DTNB: variants seen among roughly 807,000 people sequenced by gnomAD.
The protein encoded by DTNB is dystrobrevin beta, also known as DTN-B.
In DTNB, 63 loss-of-function variants were observed where a neutral mutation model predicts 90.7. That is an observed-to-expected ratio of 0.69 (90% confidence interval 0.57 to 0.86). The LOEUF (loss-of-function observed/expected upper bound fraction) is 0.86. DTNB is among the 40% of genes least tolerant of loss of function. The pLI is 0.00. For missense variants in DTNB, 744 were observed against 807.1 expected (o/e 0.92, Z 0.95); for synonymous variants, 277 against 286.7 (o/e 0.97, Z 0.34).
chr2:25,503,931 A>G (rs574286925), intron 9 of DTNB, among the ~76,000 whole-genome samples: 57 of 151,960 alleles, frequency 3.8e-4, no homozygotes, highest in African/African-American at 1.3e-3. Context: ...AAAAGAAAAA[A>G]AAAAACAGTT....
intron 8 of DTNB, among the ~76,000 whole-genome samples, chr2:25,573,159 C>CTGG (rs1329903711): frequency 6.6e-6 from 1 of 152,098 alleles, no homozygotes; most frequent in East Asian, 1.9e-4. Context: ...GTTGGCCAGG[C>CTGG]TGGTCTCAAA....
intron 9 of DTNB, among the ~76,000 whole-genome samples, chr2:25,495,968 T>C (rs965796893): frequency 1.3e-5 from 2 of 152,240 alleles, no homozygotes; most frequent in Non-Finnish European, 2.9e-5. Flanking sequence ...GCATAGCCAT[T>C]TGTGGTATCA....
chr2:25,534,569 C>G (rs1048070675), intron 8 of DTNB, among the ~76,000 whole-genome samples: 3 of 151,914 alleles, frequency 2.0e-5, no homozygotes, highest in African/African-American at 7.3e-5. Context: ...CAGAGGCGCT[C>G]CTTCACTTCC....
At chr2:25,557,380 G>A (rs576535948) in intron 8 of DTNB, among the ~76,000 whole-genome samples, 3 of 152,246 alleles carry the variant, frequency 2.0e-5, no homozygotes, top group South Asian at 4.1e-4. Flanking sequence ...CCATTGTATC[G>A]CTACACCGGA....
chr2:25,433,115 T>C (rs887562645), intron 13 of DTNB, 116 bp from the exon 14 acceptor site: 1 of 1,048,910 alleles, frequency 9.5e-7, no homozygotes, highest in Non-Finnish European at 1.3e-6. Context: ...CTTGTTTTGA[T>C]TGCTTCCAAA....
chr2:25,620,243 G>A (rs1358220547), intron 4 of DTNB, among the ~76,000 whole-genome samples: 1 of 151,822 alleles, frequency 6.6e-6, no homozygotes, highest in African/African-American at 2.4e-5. Flanking sequence ...GGTGTGGGCA[G>A]GGAGGTAAGC....
At chr2:25,569,978 T>A (rs2059584454) in intron 8 of DTNB, among the ~76,000 whole-genome samples, 1 of 151,362 alleles carries the variant, frequency 6.6e-6, no homozygotes, top group South Asian at 2.1e-4. Context: ...GCGCCTGTAA[T>A]CCCAGCTACT....
Position 25,576,817 on chromosome 2 carries a change from G to A in DTNB, c.876+21C>T, listed in dbSNP as rs765861094. ...AAACAGATTAACACTCAGGGACACA[G>A]ATGAAACACAAAGCAGTTACCCAAG... On this transcript the variant is annotated intron_variant, in intron 8 of 20. Transcript: ENST00000406818. 34 of 1,602,050 alleles carry A rather than the reference G, an allele frequency of 2.1e-5. No homozygotes were observed. The Middle Eastern group carries it at 5.1e-4, about 24-fold the overall frequency.
At chr2:25,448,024 T>C (rs1372477121) in intron 12 of DTNB, among the ~76,000 whole-genome samples, 5 of 152,150 alleles carry the variant, frequency 3.3e-5, no homozygotes, top group Non-Finnish European at 7.3e-5. Flanking sequence ...TACTTTTCAA[T>C]TCCTAGGAAA....
At chr2:25,554,284 C>T (rs1484123692) in intron 8 of DTNB, among the ~76,000 whole-genome samples, 3 of 152,066 alleles carry the variant, frequency 2.0e-5, no homozygotes, top group Non-Finnish European at 4.4e-5. Context: ...AAATGTTGCA[C>T]TGAGTATTGG....
intron 8 of DTNB, among the ~76,000 whole-genome samples, chr2:25,564,967 C>A (rs889887399): frequency 2.4e-4 from 37 of 152,210 alleles, no homozygotes; most frequent in African/African-American, 8.7e-4. Context: ...GATTTTGTAT[C>A]TTATAAACTT....
At chr2:25,652,551 AC>A in intron 2 of DTNB, 42 bp downstream of exon 2, 6 of 1,475,962 alleles carry the variant, frequency 4.1e-6, no homozygotes, top group South Asian at 2.5e-5. Context: ...AAAAAAAACC[AC>A]ACAAACATTC....
At chr2:25,595,315 T>C (rs1169922200) in intron 6 of DTNB, 2 of 152,232 alleles carry the variant, frequency 1.3e-5, no homozygotes, top group African/African-American at 4.8e-5. Context: ...AATTAATAAA[T>C]ATCTTATGGG....
chr2:25,596,317 T>C (rs1017475150), intron 5 of DTNB, 77 bp from the exon 6 acceptor site: 3 of 1,410,278 alleles, frequency 2.1e-6, no homozygotes, highest in Admixed American at 2.5e-5. Flanking sequence ...GTCATTTGTA[T>C]ACCAAACAAA....
At chr2:25,454,952 G>GATTCC in intron 11 of DTNB, among the ~76,000 whole-genome samples, 1 of 152,288 alleles carries the variant, frequency 6.6e-6, no homozygotes, top group Middle Eastern at 3.4e-3. Context: ...CAGATAAAGG[G>GATTCC]TGGTAAAGAT....
At chr2:25,661,680 A>C (rs1006542488) in intron 1 of DTNB, among the ~76,000 whole-genome samples, 2 of 152,246 alleles carry the variant, frequency 1.3e-5, no homozygotes, top group African/African-American at 4.8e-5. Flanking sequence ...TTTTTTTAGT[A>C]TCTGTTTAAT....
intron 16 of DTNB, among the ~76,000 whole-genome samples, chr2:25,392,802 A>C (rs577315256): frequency 6.6e-6 from 1 of 152,292 alleles, no homozygotes; most frequent in Non-Finnish European, 1.5e-5. Flanking sequence ...TCACAGCTGA[A>C]CTCCATCAGA....
intron 1 of DTNB, among the ~76,000 whole-genome samples, chr2:25,669,065 G>C (rs985517879): frequency 1.3e-5 from 2 of 152,154 alleles, no homozygotes. Context: ...GAGGTACCTA[G>C]AGTAGTCGAA....
intron 4 of DTNB, among the ~76,000 whole-genome samples, chr2:25,610,714 C>CA (rs1358730102): frequency 2.6e-5 from 3 of 115,310 alleles, no homozygotes; most frequent in African/African-American, 9.7e-5. Context: ...TAACTTCTAT[C>CA]CTTTTTTTTT....
Sources: gnomAD v4.1 joint callset for allele counts (sites outside exome capture counted in the v4.1 genomes callset) on GRCh38, gnomAD v4.1.1 for gene constraint, MANE v1.5 for transcripts, NCBI Gene and HGNC (gene_info 2026-07-23, HGNC 2026-07-21) for gene names.